SMO: variants seen among roughly 807,000 people sequenced by gnomAD.
SMO encodes the protein smoothened, frizzled class receptor.
Under a neutral mutation model 81.6 loss-of-function variants are expected in SMO, and 40 were observed. That is an observed-to-expected ratio of 0.49 (90% CI 0.38 to 0.64). SMO has a LOEUF of 0.64. SMO is among the 30% of genes least tolerant of loss of function. SMO has a pLI of 0.00. For synonymous variants in SMO, 434 were observed against 432.1 expected, an observed-to-expected ratio of 1.00 and a Z score of -0.05; for missense variants, 916 against 1,061.1, an observed-to-expected ratio of 0.86 and a Z score of 1.90.
chr7:129,201,883 G>T (rs1266078892), intron 1 of SMO, among the ~76,000 whole-genome samples: 1 of 151,996 alleles, frequency 6.6e-6, no homozygotes, highest in Non-Finnish European at 1.5e-5. Context: ...GTTTCACCTT[G>T]TTGGCCAGGC....
rs1427118781 is a variant in SMO at position 129,188,850 on chromosome 7, T to C, written c.-302T>C. ...GTGGGAGAGGGAATGGGGCTGGGGATTGGGGGCCCAGGGGTCTCCTAGGGC... is the reference window on the plus strand; with the variant it reads ...GTGGGAGAGGGAATGGGGCTGGGGACTGGGGGCCCAGGGGTCTCCTAGGGC... On this transcript the variant is annotated 5_prime_UTR_variant, in exon 1 of 12. Transcript: ENST00000249373. The surrounding 1 kb of genome is among the most constrained non-coding windows in gnomAD (Gnocchi z 4.9). The C allele has an allele frequency of 4.0e-5, 10 of 250,708 alleles. No individual in the cohort carries two copies. The highest frequency in any genetic ancestry group is 2.4e-4 in the East Asian group (4 of 16,564). The allele number at this position is 250,708 out of a possible 1,614,324, so 15.5% of individuals were successfully genotyped here.
Position 129,212,456 on chromosome 7 carries a change from G to A in SMO, c.*5G>A, listed in dbSNP as rs377699901. 14 of 1,608,692 alleles carry A rather than the reference G, an allele frequency of 8.7e-6. No individual in the cohort carries two copies. Among genetic ancestry groups the A allele is most frequent in the Non-Finnish European group, 1.1e-5 (13 of 1,176,314 alleles). On this transcript the variant is annotated 3_prime_UTR_variant, in exon 12 of 12. Transcript: ENST00000249373. The surrounding 1 kb of genome is among the most constrained non-coding windows in gnomAD (Gnocchi z 5.0). ...GATGCAGACTCGGACTTCTGAGCCT[G>A]CAGAGCAGGACCTGGGACAGGAAAG...
intron 1 of SMO, among the ~76,000 whole-genome samples, chr7:129,200,233 C>T (rs529998381): frequency 1.3e-5 from 2 of 151,944 alleles, no homozygotes; most frequent in East Asian, 1.9e-4. Context: ...CTGGCTAACA[C>T]GGTGAACCCC....
Position 129,206,642 on chromosome 7 carries a change from C to T in SMO, c.1264+55C>T, listed in dbSNP as rs1339819189. 2 of 1,586,110 alleles carry T rather than the reference C, an allele frequency of 1.3e-6. No individual in the cohort carries two copies. Among genetic ancestry groups the T allele is most frequent in the Non-Finnish European group, 1.7e-6 (2 of 1,161,506 alleles). ...GGCAACAAAATATACTGGGCACTTG[C>T]TGCCAGTACTGGGAGCTGCCAGCAC... On this transcript the variant is annotated intron_variant, in intron 6 of 11. Transcript: ENST00000249373. This position sits in a 1 kb window ranked among gnomAD's most constrained non-coding sequence, Gnocchi z 4.4.
In SMO at chr7:129,206,660, G is replaced by T; in HGVS notation, c.1264+73G>T. The T allele has an allele frequency of 6.5e-7, 1 of 1,527,006 alleles. No individual in the cohort carries two copies. The allele number at this position is 1,527,006 out of a possible 1,614,324, so 94.6% of individuals were successfully genotyped here. On this transcript the variant is annotated intron_variant, in intron 6 of 11. Coordinates refer to ENST00000249373, the MANE Select transcript of SMO (RefSeq NM_005631.5). The surrounding 1 kb of genome is among the most constrained non-coding windows in gnomAD (Gnocchi z 4.4). ...GCACTTGCTGCCAGTACTGGGAGCT[G>T]CCAGCACGGCTGCCCCCATGCTGAA...
At chr7:129,202,045 G>A (rs1459949286) in intron 1 of SMO, among the ~76,000 whole-genome samples, 1 of 152,122 alleles carries the variant, frequency 6.6e-6, no homozygotes, top group East Asian at 1.9e-4. Context: ...TAACTGGCAG[G>A]AACTTGCTCT....
Position 129,206,662 on chromosome 7 carries a change from CA to C in SMO, c.1264+76del. 3.3e-6 allele frequency: 5 copies of C among 1,523,140 alleles called. No individual in the cohort carries two copies. Among genetic ancestry groups the C allele is most frequent in the Non-Finnish European group, 3.6e-6 (4 of 1,115,332 alleles). 94.4% of individuals were successfully genotyped at this position (1,523,140 alleles called of 1,614,324 possible). A position where few individuals can be genotyped will look rare whatever the true frequency, so the allele number is the denominator to read the frequency against. Reference sequence around the variant, plus strand: ...ACTTGCTGCCAGTACTGGGAGCTGCCAGCACGGCTGCCCCCATGCTGAAACC... The same window carrying C: ...ACTTGCTGCCAGTACTGGGAGCTGCCGCACGGCTGCCCCCATGCTGAAACC... On this transcript the variant is annotated intron_variant, in intron 6 of 11. Transcript: ENST00000249373. This position sits in a 1 kb window ranked among gnomAD's most constrained non-coding sequence, Gnocchi z 4.4.
Position 129,211,018 on chromosome 7 carries a change from T to C in SMO, c.1706T>C (p.Ile569Thr), listed in dbSNP as rs1344696852. 6.2e-7 allele frequency: 1 copy of C among 1,614,026 alleles called. No homozygotes were observed. The highest frequency in any genetic ancestry group is 2.2e-5 in the East Asian group (1 of 44,876). Residue 569 changes from isoleucine to threonine, a missense_variant, in exon 10 of 12, where the codon ATT (isoleucine) becomes ACT (threonine). Around this residue, in one of 4 missense-constraint regions of SMO, gnomAD observed 324 missense variants for 312.9 expected, o/e 1.04. Coordinates refer to ENST00000249373, the MANE Select transcript of SMO (RefSeq NM_005631.5). The surrounding 1 kb of genome is among the most constrained non-coding windows in gnomAD (Gnocchi z 4.6). ...EPKRIKKSKM[I>T]AKAFSKRHEL... The stretch of plus-strand genomic sequence containing the variant: ...AAGCGGATCAAGAAGAGCAAGATGA[T>C]TGCCAAGGCCTTCTCTAAGCGGCAC...
At chr7:129,202,695 A>G (rs1793689833) in intron 1 of SMO, among the ~76,000 whole-genome samples, 1 of 151,784 alleles carries the variant, frequency 6.6e-6, no homozygotes, top group South Asian at 2.1e-4. Flanking sequence ...TCCTCTGACT[A>G]CCTCTTCTTA....
At chr7:129,192,785 G>T (rs1385077343) in intron 1 of SMO, among the ~76,000 whole-genome samples, 2 of 152,184 alleles carry the variant, frequency 1.3e-5, no homozygotes, top group Admixed American at 6.5e-5. Flanking sequence ...TAGGCAGGAG[G>T]TGTGGCTTTG....
chr7:129,208,548 G>T lies in SMO; in HGVS notation c.1265-211G>T, dbSNP rs1213803872. 6.6e-6 allele frequency among the ~76,000 whole-genome samples: 1 copy of T among 152,082 alleles called. No individual in the cohort carries two copies. The highest frequency in any genetic ancestry group is 2.4e-5 in the African/African-American group (1 of 41,420). On this transcript the variant is annotated intron_variant, in intron 6 of 11. Transcript: ENST00000249373. The surrounding 1 kb of genome is among the most constrained non-coding windows in gnomAD (Gnocchi z 5.2). ...CCTTCTTCAGGGGCAGCTGGGCCAC[G>T]ACCGAGGCTCCCTCTTCTCAAGTGT...
chr7:129,193,785 A>AAAAATAT (rs1563145734), intron 1 of SMO, among the ~76,000 whole-genome samples: 15 of 26,348 alleles, frequency 5.7e-4, no homozygotes, highest in Admixed American at 1.6e-3. Context: ...AAAAAAAAAA[A>AAAAATAT]ATATATATAT....
rs1793890193 is a variant in SMO at position 129,212,366 on chromosome 7, AT to A, written c.2280del (p.His760GlnfsTer16). 1.2e-6 allele frequency: 2 copies of A among 1,614,054 alleles called. No homozygotes were observed. Among genetic ancestry groups the A allele is most frequent in the Non-Finnish European group, 1.7e-6 (2 of 1,180,030 alleles). On this transcript the variant is annotated frameshift_variant, in exon 12 of 12. Transcript: ENST00000249373. LOFTEE classifies it high-confidence loss of function. The surrounding 1 kb of genome is among the most constrained non-coding windows in gnomAD (Gnocchi z 5.0). ...GCACCGGCCCCCGTGGCATGGGCTC[AT>A]GGCCGCCGACAGGGCCTGGGGCCTA... ...PSAPAPVAWA[H>X]GRRQGLGPIH... is the part of the protein sequence containing the mutation.
Position 129,199,759 on chromosome 7 carries a change from AC to A in SMO, c.332-3624del, listed in dbSNP as rs1325867784. Among the ~76,000 whole-genome samples the A allele has an allele frequency of 1.5e-4, 23 of 152,292 alleles. No individual in the cohort carries two copies. The East Asian group carries it at 4.1e-3, about 27-fold the overall frequency. On this transcript the variant is annotated intron_variant, in intron 1 of 11. Coordinates refer to ENST00000249373, the MANE Select transcript of SMO (RefSeq NM_005631.5). ...CTCAAAAAATAAAAAAATAAAAAAA[AC>A]ATAAAGAGATGTTCGACCTCACTCT...
Position 129,189,504 on chromosome 7 carries a change from C to T in SMO, c.331+22C>T. The T allele has an allele frequency of 6.5e-7, 1 of 1,534,646 alleles. No individual in the cohort carries two copies. The highest frequency in any genetic ancestry group is 8.7e-7 in the Non-Finnish European group (1 of 1,146,452). The stretch of plus-strand genomic sequence containing the variant: ...TCGGGTAAGTGCGGCGGAGCCGGGT[C>T]TGGGGGGCGGGAGGTGCCGCGGTAA... On this transcript the variant is annotated intron_variant, in intron 1 of 11. Coordinates refer to ENST00000249373, the MANE Select transcript of SMO (RefSeq NM_005631.5). This position sits in a 1 kb window ranked among gnomAD's most constrained non-coding sequence, Gnocchi z 4.7.
At chr7:129,207,690 C>T (rs1563150469) in intron 6 of SMO, among the ~76,000 whole-genome samples, 1 of 152,030 alleles carries the variant, frequency 6.6e-6, no homozygotes, top group Non-Finnish European at 1.5e-5. Context: ...GCTCAGAGTT[C>T]GAGACCAGCC....
At chr7:129,197,091 A>C (rs1369504585) in intron 1 of SMO, among the ~76,000 whole-genome samples, 3 of 152,126 alleles carry the variant, frequency 2.0e-5, no homozygotes, top group Non-Finnish European at 2.9e-5. Context: ...ATATAGAAAT[A>C]AAATTGATTG....
At chr7:129,200,796 C>T (rs949045028) in intron 1 of SMO, among the ~76,000 whole-genome samples, 1 of 152,184 alleles carries the variant, frequency 6.6e-6, no homozygotes, top group African/African-American at 2.4e-5. Flanking sequence ...AGTACACTGT[C>T]GTGATCTTGA....
chr7:129,199,383 T>C (rs1563147457), intron 1 of SMO, among the ~76,000 whole-genome samples: 1 of 152,142 alleles, frequency 6.6e-6, no homozygotes, highest in Non-Finnish European at 1.5e-5. Flanking sequence ...GTTTTCACCA[T>C]GTTGGCCAGG....
Sources: allele counts gnomAD v4.1 joint callset (sites outside exome capture counted in the v4.1 genomes callset), GRCh38; gene constraint gnomAD v4.1.1; regional missense constraint gnomAD v4.1.1; non-coding constraint Gnocchi (gnomAD v3.1); transcripts MANE v1.5; gene names NCBI Gene and HGNC (gene_info 2026-07-23, HGNC 2026-07-21).